Variants in GSG1L observed in about 807,000 individuals in gnomAD.
GSG1L encodes germ cell-specific gene 1-like protein.
Under a neutral mutation model 42.1 loss-of-function variants are expected in GSG1L, and 24 were observed. The observed-to-expected ratio is 0.57, with a 90% CI of 0.41 to 0.80. The LOEUF (loss-of-function observed/expected upper bound fraction) is 0.80, where lower values mean the gene tolerates loss of function less well. GSG1L is among the 30% of genes least tolerant of loss of function. GSG1L has a pLI of 0.00. For synonymous variants in GSG1L, 215 were observed against 203.5 expected (o/e 1.06, Z -0.48); for missense variants, 445 against 472.2 (o/e 0.94, Z 0.53).
chr16:27,963,337 C>A, intron 1 of GSG1L, 134 bp from the exon 2 acceptor site: 1 of 763,364 alleles, frequency 1.3e-6, no homozygotes, highest in South Asian at 1.6e-5. Context: ...TTCTCCAACC[C>A]TGGTTCCTAG....
chr16:27,829,104 TG>T (rs2083248182), intron 4 of GSG1L, 148 bp from the exon 5 acceptor site: 1 of 711,816 alleles, frequency 1.4e-6, no homozygotes, highest in Admixed American at 2.7e-5. Flanking sequence ...GGATAAGACT[TG>T]GTCCCTGCCC....
intron 1 of GSG1L, among the ~76,000 whole-genome samples, chr16:28,055,648 T>C (rs2086270856): frequency 6.6e-6 from 1 of 151,892 alleles, no homozygotes; most frequent in Non-Finnish European, 1.5e-5. Flanking sequence ...TTTTATATTT[T>C]TAGTAGAGAT....
At chr16:27,865,448 G>C (rs1208856595) in intron 3 of GSG1L, among the ~76,000 whole-genome samples, 1 of 150,504 alleles carries the variant, frequency 6.6e-6, no homozygotes, top group African/African-American at 2.4e-5. Context: ...CTGGTGGGGA[G>C]TGGAGGTGGA....
intron 6 of GSG1L, among the ~76,000 whole-genome samples, chr16:27,794,354 G>A (rs1291362352): frequency 2.0e-5 from 3 of 148,744 alleles, no homozygotes; most frequent in East Asian, 3.9e-4. Flanking sequence ...TTTTTGAAAC[G>A]GAGTCTCGCT....
At chr16:27,874,715 G>A (rs1373489872) in intron 3 of GSG1L, among the ~76,000 whole-genome samples, 1 of 152,110 alleles carries the variant, frequency 6.6e-6, no homozygotes, top group Non-Finnish European at 1.5e-5. Context: ...TGAGACCCTT[G>A]CCAACCTTGC....
In GSG1L at chr16:28,059,845, GC is replaced by G. The variant is rs1273099324; in HGVS notation, c.349+3230del. Among the ~76,000 whole-genome samples, 1 of 152,202 alleles carries G rather than the reference GC, an allele frequency of 6.6e-6. No homozygotes were observed. Among genetic ancestry groups the G allele is most frequent in the East Asian group, 1.9e-4 (1 of 5,198 alleles). On this transcript the variant is annotated intron_variant, in intron 1 of 6. Coordinates refer to ENST00000447459, the MANE Select transcript of GSG1L (RefSeq NM_001109763.2). The surrounding 1 kb of genome is among the most constrained non-coding windows in gnomAD (Gnocchi z 4.4). ...GAGCAAGGAGAAAAGGTTTCTTTGTGCAGGGTCTGGTGAAAGTGTGTCTGTT... is the reference window on the plus strand; with the variant it reads ...GAGCAAGGAGAAAAGGTTTCTTTGTGAGGGTCTGGTGAAAGTGTGTCTGTT...
At chr16:27,966,098 C>A (rs1567538011) in intron 1 of GSG1L, among the ~76,000 whole-genome samples, 1 of 152,248 alleles carries the variant, frequency 6.6e-6, no homozygotes, top group Non-Finnish European at 1.5e-5. Flanking sequence ...GCCTGCAGCA[C>A]TGTTCACTCG....
At chr16:27,829,447 G>A (rs2083251969) in intron 4 of GSG1L, among the ~76,000 whole-genome samples, 1 of 152,170 alleles carries the variant, frequency 6.6e-6, no homozygotes, top group African/African-American at 2.4e-5. Context: ...GGAAGGAGAT[G>A]GGGGCAGACA....
At chr16:27,811,494 C>T (rs981329016) in intron 5 of GSG1L, among the ~76,000 whole-genome samples, 4 of 152,164 alleles carry the variant, frequency 2.6e-5, no homozygotes, top group East Asian at 1.9e-4. Flanking sequence ...CTCCTCATCC[C>T]GGAACACCAC....
chr16:27,855,274 T>C (rs981096462), intron 3 of GSG1L, among the ~76,000 whole-genome samples: 2 of 152,148 alleles, frequency 1.3e-5, no homozygotes, highest in Non-Finnish European at 2.9e-5. Flanking sequence ...CAGGTGAGAA[T>C]GAAAGTGGGC....
chr16:27,794,754 T>G (rs2144392029), intron 6 of GSG1L, among the ~76,000 whole-genome samples: 1 of 152,298 alleles, frequency 6.6e-6, no homozygotes, highest in South Asian at 2.1e-4. Context: ...TTTCTCAGGC[T>G]GCACTCAGCC....
chr16:27,956,459 G>T (rs2085006098), intron 2 of GSG1L, among the ~76,000 whole-genome samples: 1 of 152,106 alleles, frequency 6.6e-6, no homozygotes, highest in African/African-American at 2.4e-5. Flanking sequence ...GTCCGGGTGT[G>T]GTCACTTAAA....
intron 5 of GSG1L, among the ~76,000 whole-genome samples, chr16:27,822,953 T>C (rs2083165631): frequency 6.6e-6 from 1 of 152,136 alleles, no homozygotes; most frequent in Non-Finnish European, 1.5e-5. Context: ...CTCCGGGGGC[T>C]TCCGTCCCCC....
At chr16:27,993,997 C>T (rs1244118001) in intron 1 of GSG1L, among the ~76,000 whole-genome samples, 1 of 152,200 alleles carries the variant, frequency 6.6e-6, no homozygotes, top group African/African-American at 2.4e-5. Context: ...TTGCATTCAA[C>T]CGTAAAAACA....
chr16:27,821,746 CA>C (rs1310866901), intron 5 of GSG1L, among the ~76,000 whole-genome samples: 3 of 151,392 alleles, frequency 2.0e-5, no homozygotes, highest in African/African-American at 4.9e-5. Context: ...TAAAAAAATA[CA>C]AAAAAAATTA....
In GSG1L at chr16:27,788,171, G is replaced by A. The variant is rs1221045665; in HGVS notation, c.*3199C>T. The stretch of plus-strand genomic sequence containing the variant: ...ATCCCCCAAGCTGACCCTGTAACCT[G>A]AGAGTCGTCACCAACTTTCCTCTTC... On this transcript the variant is annotated 3_prime_UTR_variant, in exon 7 of 7. Transcript: ENST00000447459. 1.3e-5 allele frequency: 2 copies of A among 152,144 alleles called. No homozygotes were observed. Among genetic ancestry groups the A allele is most frequent in the Non-Finnish European group, 2.9e-5 (2 of 68,042 alleles). The allele number at this position is 152,144 out of a possible 1,614,324, so 9.4% of individuals were successfully genotyped here. A position where few individuals can be genotyped will look rare whatever the true frequency, so the allele number is the denominator to read the frequency against.
At position 27,884,475 on chromosome 16, in the gene GSG1L, C is replaced by A. The variant is rs1432459352; in HGVS notation, c.550+11G>T. ...GTGCTCTGAGAGGCCACAGGACCAG[C>A]CATGCCTTACCTGAGAGCACCGTGA... On this transcript the variant is annotated intron_variant, in intron 3 of 6. Coordinates refer to ENST00000447459, the MANE Select transcript of GSG1L (RefSeq NM_001109763.2). This position sits in a 1 kb window ranked among gnomAD's most constrained non-coding sequence, Gnocchi z 4.4. 6.2e-7 allele frequency: 1 copy of A among 1,611,632 alleles called. No homozygotes were observed. Among genetic ancestry groups the A allele is most frequent in the Non-Finnish European group, 8.5e-7 (1 of 1,178,754 alleles).
intron 6 of GSG1L, among the ~76,000 whole-genome samples, chr16:27,793,107 C>A (rs1021927002): frequency 6.6e-6 from 1 of 152,194 alleles, no homozygotes; most frequent in African/African-American, 2.4e-5. Flanking sequence ...GTGGGAATTC[C>A]TAGTGAAGCC....
intron 1 of GSG1L, among the ~76,000 whole-genome samples, chr16:27,984,559 T>C (rs2085359316): frequency 6.6e-6 from 1 of 152,084 alleles, no homozygotes; most frequent in South Asian, 2.1e-4. Context: ...AGAAAGAAGT[T>C]TTTTTTAGAG....
Sources: gnomAD v4.1 joint callset for allele counts (sites outside exome capture counted in the v4.1 genomes callset) on GRCh38, gnomAD v4.1.1 for gene constraint, Gnocchi (gnomAD v3.1) non-coding constraint, MANE v1.5 for transcripts, NCBI Gene and HGNC (gene_info 2026-07-23, HGNC 2026-07-21) for gene names.